PRELID2: variants seen among roughly 807,000 people sequenced by gnomAD.
PRELID2 encodes PRELI domain containing 2, also known as PRELI domain-containing protein 2.
PRELID2 carries 25 observed loss-of-function variants against 28.4 expected under a neutral mutation model. That is an observed-to-expected ratio of 0.88 (90% CI 0.64 to 1.23). PRELID2 has a LOEUF of 1.23. PRELID2 is among the 50% of genes most tolerant of loss of function. PRELID2 has a pLI of 0.00. For synonymous variants in PRELID2, 76 were observed against 71.6 expected (o/e 1.06, Z -0.31); for missense variants, 201 against 214.4 (o/e 0.94, Z 0.39).
intron 1 of PRELID2, among the ~76,000 whole-genome samples, chr5:145,715,014 C>T (rs1455325851): frequency 6.6e-6 from 1 of 152,136 alleles, no homozygotes; most frequent in African/African-American, 2.4e-5. Context: ...CATACTCCAT[C>T]TAGGCAAGCC....
At chr5:145,700,222 C>T (rs1433815993) in intron 1 of PRELID2, among the ~76,000 whole-genome samples, 1 of 151,984 alleles carries the variant, frequency 6.6e-6, no homozygotes, top group Non-Finnish European at 1.5e-5. Flanking sequence ...CGCCCCTAGA[C>T]ATCAACCTGT....
the PRELID2 span, among the ~76,000 whole-genome samples, chr5:145,381,119 G>A: frequency 1.3e-5 from 2 of 152,096 alleles, no homozygotes; most frequent in Non-Finnish European, 2.9e-5. Context: ...ATAATTTAAA[G>A]GCCCTAAGAG....
intron 1 of PRELID2, among the ~76,000 whole-genome samples, chr5:145,674,318 A>G (rs1371531753): frequency 8.1e-6 from 1 of 122,978 alleles, no homozygotes; most frequent in South Asian, 2.9e-4. Context: ...CCCTCCCTCT[A>G]CCCCATGACA....
chr5:145,437,581 T>A, the PRELID2 span, among the ~76,000 whole-genome samples: 60,111 of 151,856 alleles, frequency 0.4, 12,098 homozygotes, highest in Non-Finnish European at 0.42. Context: ...AAGACAGTAT[T>A]TCGTGGGAGG....
chr5:145,351,395 C>G, the PRELID2 span, among the ~76,000 whole-genome samples: 2 of 152,092 alleles, frequency 1.3e-5, no homozygotes, highest in Non-Finnish European at 2.9e-5. Context: ...AATTGCCAAG[C>G]AAAGAGGGAG....
chr5:145,695,697 A>C (rs1234416344), intron 1 of PRELID2, among the ~76,000 whole-genome samples: 1 of 152,166 alleles, frequency 6.6e-6, no homozygotes, highest in Admixed American at 6.5e-5. Flanking sequence ...TGGGGGCACA[A>C]AGTCTCTGTC....
At chr5:145,241,521 A>G in the PRELID2 span, among the ~76,000 whole-genome samples, 3 of 151,994 alleles carry the variant, frequency 2.0e-5, no homozygotes, top group African/African-American at 7.2e-5. Context: ...AGAATTGCCT[A>G]TTGTTATTCC....
In PRELID2 at chr5:145,771,318, G is replaced by A. The variant is rs201392282; in HGVS notation, c.475-6318C>T. 9.2e-5 allele frequency among the ~76,000 whole-genome samples: 14 copies of A among 152,102 alleles called. No individual in the cohort carries two copies. The East Asian group carries it at 2.5e-3, about 27-fold the overall frequency. On this transcript the variant is annotated intron_variant, in intron 5 of 6. Transcript: ENST00000683046. Reference sequence around the variant, plus strand: ...GTTGTAGGCTCTACCATCTAGGTTTGTGGACGTGCACTCTATGAGGTTTGT... The same window carrying A: ...GTTGTAGGCTCTACCATCTAGGTTTATGGACGTGCACTCTATGAGGTTTGT...
intron 1 of PRELID2, among the ~76,000 whole-genome samples, chr5:145,514,311 T>A (rs1165911553): frequency 6.3e-5 from 5 of 79,358 alleles, no homozygotes; most frequent in African/African-American, 8.4e-5. Context: ...ACCAAGCAAA[T>A]GGAAAGCAAA....
intron 1 of PRELID2, among the ~76,000 whole-genome samples, chr5:145,726,084 G>T (rs560137544): frequency 1.7e-3 from 254 of 151,972 alleles, no homozygotes; most frequent in African/African-American, 5.7e-3. Flanking sequence ...TGGGAGGATT[G>T]CTTGAGCCCA....
At chr5:145,769,020 T>C (rs1057041426) in intron 5 of PRELID2, among the ~76,000 whole-genome samples, 1 of 152,130 alleles carries the variant, frequency 6.6e-6, no homozygotes, top group African/African-American at 2.4e-5. Context: ...GCCCAGTCAA[T>C]AGAGTCCTTT....
the PRELID2 span, among the ~76,000 whole-genome samples, chr5:145,304,723 T>C: frequency 6.6e-6 from 1 of 152,130 alleles, no homozygotes; most frequent in African/African-American, 2.4e-5. Flanking sequence ...ATTTAGGCCT[T>C]AGACTTCCAG....
intron 1 of PRELID2, among the ~76,000 whole-genome samples, chr5:145,709,496 C>T (rs546128246): frequency 1.3e-5 from 2 of 151,748 alleles, no homozygotes; most frequent in East Asian, 1.9e-4. Context: ...GACTGGCCTT[C>T]GCTAATCGAG....
chr5:145,779,305 T>G (rs538369684), intron 5 of PRELID2, among the ~76,000 whole-genome samples: 1 of 152,134 alleles, frequency 6.6e-6, no homozygotes, highest in Non-Finnish European at 1.5e-5. Flanking sequence ...TCACATACAG[T>G]TAAGAGTGCT....
chr5:145,835,252 C>T lies in PRELID2; in HGVS notation c.-1G>A. 21 of 1,547,562 alleles carry T rather than the reference C, an allele frequency of 1.4e-5. No individual in the cohort carries two copies. The highest frequency in any genetic ancestry group is 2.5e-5 in the East Asian group (1 of 40,812). ...GGTGCACATCCACCGAGACCCCCAT[C>T]CCCGCGCGCCGCGGGCCCCGCGCAC... On this transcript the variant is annotated 5_prime_UTR_variant, in exon 1 of 7. Transcript: ENST00000683046.
At position 145,794,565 on chromosome 5, in the gene PRELID2, C is replaced by T. The variant is rs75046842; in HGVS notation, c.474+1877G>A. ...TGCTAGTTCTGTGACCTTGAAGAAA[C>T]ACATTTAGCCCACACTTAGCACAGT... On this transcript the variant is annotated intron_variant, in intron 5 of 6. Transcript: ENST00000683046. 7.8e-3 allele frequency among the ~76,000 whole-genome samples: 1,186 copies of T among 152,240 alleles called. 6 individuals are homozygous for T. The highest frequency in any genetic ancestry group is 0.017 in the Middle Eastern group (5 of 294).
At chr5:145,805,129 C>T (rs929383534) in intron 4 of PRELID2, among the ~76,000 whole-genome samples, 1 of 152,142 alleles carries the variant, frequency 6.6e-6, no homozygotes, top group Non-Finnish European at 1.5e-5. Context: ...ATTTAACTGG[C>T]ATCTGTGTTT....
intron 1 of PRELID2, among the ~76,000 whole-genome samples, chr5:145,640,665 GA>G (rs1212229711): frequency 2.7e-5 from 4 of 149,396 alleles, no homozygotes; most frequent in African/African-American, 4.9e-5. Flanking sequence ...AAAAATAGAA[GA>G]AAAAAAAGAA....
chr5:145,239,857 G>A, the PRELID2 span, among the ~76,000 whole-genome samples: 12,698 of 151,970 alleles, frequency 0.084, 1,157 homozygotes, highest in African/African-American at 0.23. Flanking sequence ...AATGAGAATG[G>A]TTTTTCTGCC....
Sources: gnomAD v4.1 joint callset for allele counts (sites outside exome capture counted in the v4.1 genomes callset) on GRCh38, gnomAD v4.1.1 for gene constraint, MANE v1.5 for transcripts, NCBI Gene and HGNC (gene_info 2026-07-23, HGNC 2026-07-21) for gene names.